COL25A1: variants seen among roughly 807,000 people sequenced by gnomAD.
COL25A1 encodes the protein collagen type XXV alpha 1 chain, also known as collagen alpha-1(XXV) chain.
A neutral mutation model predicts 128.4 loss-of-function variants in COL25A1; 103 were observed. That is an observed-to-expected ratio of 0.80 (90% CI 0.68 to 0.94). The LOEUF is 0.94. Ranked by LOEUF, COL25A1 falls within the 40% of genes least tolerant of loss-of-function variation. The pLI is 0.00. For missense variants in COL25A1, 745 were observed against 840.0 expected, an observed-to-expected ratio of 0.89 and a Z score of 1.40; for synonymous variants, 279 against 277.2, an observed-to-expected ratio of 1.01 and a Z score of -0.06.
intron 5 of COL25A1, among the ~76,000 whole-genome samples, chr4:109,014,359 A>G (rs1187183461): frequency 6.6e-6 from 1 of 152,150 alleles, no homozygotes; most frequent in Non-Finnish European, 1.5e-5. Flanking sequence ...AATATATTGC[A>G]TCTCTTATAT....
intron 8 of COL25A1, among the ~76,000 whole-genome samples, chr4:108,949,739 G>A (rs932132528): frequency 1.3e-5 from 2 of 152,018 alleles, no homozygotes; most frequent in Admixed American, 6.6e-5. Context: ...GTTTCACCAC[G>A]TTGACCAGGA....
At chr4:108,882,958 T>C (rs1948932365) in intron 19 of COL25A1, among the ~76,000 whole-genome samples, 1 of 152,110 alleles carries the variant, frequency 6.6e-6, no homozygotes, top group Non-Finnish European at 1.5e-5. Flanking sequence ...AAAATCATAT[T>C]ATTTCACATA....
intron 27 of COL25A1, 65 bp downstream of exon 27, chr4:108,848,694 A>C: frequency 1.7e-6 from 2 of 1,201,968 alleles, no homozygotes; most frequent in Middle Eastern, 1.9e-4. Flanking sequence ...TTGGCTTCAA[A>C]CCTACAATAA....
At chr4:108,880,496 T>G (rs1482946036) in intron 19 of COL25A1, among the ~76,000 whole-genome samples, 1 of 152,218 alleles carries the variant, frequency 6.6e-6, no homozygotes, top group Admixed American at 6.5e-5. Flanking sequence ...AACATGTGTG[T>G]AACCAATGTT....
intron 33 of COL25A1, 93 bp downstream of exon 33, chr4:108,827,042 T>G: frequency 9.5e-7 from 1 of 1,047,972 alleles, no homozygotes. Flanking sequence ...TTCTCTAACA[T>G]TAGTCTGCCC....
intron 6 of COL25A1, among the ~76,000 whole-genome samples, chr4:108,983,925 G>A (rs959789493): frequency 3.9e-5 from 6 of 152,130 alleles, no homozygotes; most frequent in Non-Finnish European, 8.8e-5. Context: ...TGTGGAAGGG[G>A]ACCCAAGCGG....
At chr4:109,296,675 G>A (rs528407324) in intron 3 of COL25A1, among the ~76,000 whole-genome samples, 1 of 152,172 alleles carries the variant, frequency 6.6e-6, no homozygotes, top group Non-Finnish European at 1.5e-5. Flanking sequence ...TCCCAAAATT[G>A]CATAATAAGT....
chr4:109,095,379 T>C (rs1765306007), intron 3 of COL25A1, among the ~76,000 whole-genome samples: 1 of 152,204 alleles, frequency 6.6e-6, no homozygotes, highest in South Asian at 2.1e-4. Context: ...TGGTGTTTTT[T>C]TAAAACCTAG....
chr4:109,126,273 AACTT>A (rs1768599161), intron 3 of COL25A1, among the ~76,000 whole-genome samples: 1 of 152,148 alleles, frequency 6.6e-6, no homozygotes, highest in Non-Finnish European at 1.5e-5. Context: ...AGAGATTATT[AACTT>A]ACTTTATTTT....
chr4:108,860,267 T>A (rs1483226341), intron 23 of COL25A1, among the ~76,000 whole-genome samples: 1 of 152,108 alleles, frequency 6.6e-6, no homozygotes, highest in Non-Finnish European at 1.5e-5. Context: ...AGTTTTTGTA[T>A]TTTTAGTGGA....
chr4:108,953,978 A>G (rs750426449), intron 8 of COL25A1, among the ~76,000 whole-genome samples: 1 of 152,210 alleles, frequency 6.6e-6, no homozygotes, highest in Non-Finnish European at 1.5e-5. Flanking sequence ...TCAATTACAC[A>G]TTGTAATTCA....
At chr4:109,152,367 C>T (rs1233038249) in intron 3 of COL25A1, among the ~76,000 whole-genome samples, 1 of 152,184 alleles carries the variant, frequency 6.6e-6, no homozygotes, top group East Asian at 1.9e-4. Flanking sequence ...AAGCAAAATT[C>T]GGAAATAGCA....
intron 8 of COL25A1, among the ~76,000 whole-genome samples, chr4:108,966,570 C>G (rs1312820531): frequency 6.6e-6 from 1 of 152,088 alleles, no homozygotes; most frequent in Admixed American, 6.6e-5. Context: ...TAAAGTTGGC[C>G]ATGCGCAGTG....
intron 3 of COL25A1, among the ~76,000 whole-genome samples, chr4:109,079,422 G>A (rs971740299): frequency 5.9e-5 from 9 of 152,016 alleles, no homozygotes; most frequent in East Asian, 3.9e-4. Flanking sequence ...TCATACATTC[G>A]TTTATTCAAC....
At chr4:109,092,415 T>C (rs1374368729) in intron 3 of COL25A1, among the ~76,000 whole-genome samples, 1 of 152,004 alleles carries the variant, frequency 6.6e-6, no homozygotes, top group African/African-American at 2.4e-5. Flanking sequence ...AGCCCAGGAG[T>C]CTGAGGCTGG....
chr4:109,181,248 G>C (rs1305720909), intron 3 of COL25A1, among the ~76,000 whole-genome samples: 4 of 152,112 alleles, frequency 2.6e-5, no homozygotes, highest in African/African-American at 9.7e-5. Flanking sequence ...ATCTGAAAAA[G>C]CTATGGATCA....
intron 33 of COL25A1, among the ~76,000 whole-genome samples, chr4:108,825,562 T>C (rs775348496): frequency 6.6e-6 from 1 of 152,192 alleles, no homozygotes; most frequent in Non-Finnish European, 1.5e-5. Context: ...TTATATGATA[T>C]ATTGGGTTAA....
chr4:109,127,010 T>C (rs571398205), intron 3 of COL25A1, among the ~76,000 whole-genome samples: 31 of 152,164 alleles, frequency 2.0e-4, no homozygotes, highest in Middle Eastern at 3.4e-3. Flanking sequence ...AAATAACAGA[T>C]GGGAACAATA....
At chr4:108,830,965 G>T (rs905128608) in intron 32 of COL25A1, among the ~76,000 whole-genome samples, 1 of 152,216 alleles carries the variant, frequency 6.6e-6, no homozygotes, top group Non-Finnish European at 1.5e-5. Context: ...TTAGAAATAT[G>T]ACAATTGCAC....
Sources: gnomAD v4.1 joint callset for allele counts (sites outside exome capture counted in the v4.1 genomes callset) on GRCh38, gnomAD v4.1.1 for gene constraint, MANE v1.5 for transcripts, NCBI Gene and HGNC (gene_info 2026-07-23, HGNC 2026-07-21) for gene names.